The following PDZD2 variants were observed in gnomAD, a reference collection of about 807,000 sequenced individuals.
The protein encoded by PDZD2 is PDZ domain containing 2.
In PDZD2, 90 loss-of-function variants were observed where a neutral mutation model predicts 220.7. The observed-to-expected ratio is 0.41, with a 90% CI of 0.34 to 0.49. The LOEUF (loss-of-function observed/expected upper bound fraction) is 0.49. Ranked by LOEUF, PDZD2 falls within the 20% of genes least tolerant of loss-of-function variation. The pLI, the probability that PDZD2 is intolerant of heterozygous loss-of-function variation, is 0.28. For synonymous variants in PDZD2, 1,375 were observed against 1,450.5 expected, an observed-to-expected ratio of 0.95 and a Z score of 1.18; for missense variants, 3,174 against 3,608.5, an observed-to-expected ratio of 0.88 and a Z score of 3.08.
chr5:31,804,825 T>C (rs891728352), intron 2 of PDZD2, among the ~76,000 whole-genome samples: 1 of 152,256 alleles, frequency 6.6e-6, no homozygotes, highest in East Asian at 1.9e-4. Context: ...AAATGACTTA[T>C]GAAGAACAAA....
intron 1 of PDZD2, among the ~76,000 whole-genome samples, chr5:31,653,021 G>A (rs183129402): frequency 6.6e-6 from 1 of 151,832 alleles, no homozygotes; most frequent in East Asian, 1.9e-4. Flanking sequence ...CAAAAAAAAA[G>A]ACCAAAAAAC....
In PDZD2 at chr5:32,069,649, A is replaced by G. The variant is rs765493350; in HGVS notation, c.2532A>G (p.Leu844=). ...AAGAGGCCAATTCCTCTCCTGGCTT[A>G]GGTACTGTAATCTCACATTTTCATT... ...ESKEANSSPG[L]GTPLKSPSLA... is the part of the protein sequence containing the mutation. Residue 844 remains leucine, a splice_region_variant and synonymous_variant, in exon 15 of 25, where the codon TTA becomes TTG. Coordinates refer to ENST00000438447, the MANE Select transcript of PDZD2 (RefSeq NM_178140.4). 2.1e-6 allele frequency: 3 copies of G among 1,449,552 alleles called. No homozygotes were observed. The East Asian group carries it at 6.8e-5, about 33-fold the overall frequency. 89.8% of individuals were successfully genotyped at this position (1,449,552 alleles called of 1,614,324 possible). A position where few individuals can be genotyped will look rare whatever the true frequency, so the allele number is the denominator to read the frequency against.
At chr5:31,683,959 A>G (rs2150124588) in intron 1 of PDZD2, among the ~76,000 whole-genome samples, 1 of 150,170 alleles carries the variant, frequency 6.7e-6, no homozygotes, top group East Asian at 2.1e-4. Flanking sequence ...TTTGCCACAT[A>G]GACTCACCAG....
chr5:31,838,228 T>G (rs1306867772), intron 2 of PDZD2, among the ~76,000 whole-genome samples: 1 of 152,112 alleles, frequency 6.6e-6, no homozygotes, highest in African/African-American at 2.4e-5. Context: ...CAGCTAATTT[T>G]TGTATTTTTA....
chr5:31,807,704 G>A (rs999258647), intron 2 of PDZD2, among the ~76,000 whole-genome samples: 3 of 152,164 alleles, frequency 2.0e-5, no homozygotes, highest in Admixed American at 6.5e-5. Context: ...GCAAGAACCG[G>A]GTCCCGGAGC....
intron 2 of PDZD2, among the ~76,000 whole-genome samples, chr5:31,869,985 C>T (rs547250894): frequency 1.5e-4 from 23 of 152,244 alleles, no homozygotes; most frequent in African/African-American, 5.3e-4. Context: ...CACAAGTGTG[C>T]AAATTATTTT....
chr5:31,710,462 G>C (rs72755427), intron 1 of PDZD2, among the ~76,000 whole-genome samples: 3,524 of 152,244 alleles, frequency 0.023, 61 homozygotes, highest in Non-Finnish European at 0.033. Context: ...CGGCTCTGCA[G>C]CTTACTGGTC....
intron 23 of PDZD2, 69 bp from the exon 24 acceptor site, chr5:32,101,035 TG>T: frequency 6.2e-7 from 1 of 1,603,214 alleles, no homozygotes; most frequent in Non-Finnish European, 8.5e-7. Context: ...CGATGCATCC[TG>T]GGGGACTTGG....
intron 1 of PDZD2, among the ~76,000 whole-genome samples, chr5:31,769,240 G>A (rs1325722216): frequency 6.6e-6 from 1 of 152,154 alleles, no homozygotes; most frequent in Non-Finnish European, 1.5e-5. Flanking sequence ...GAACAAACCT[G>A]GATCGAAGCA....
At chr5:31,802,663 G>A (rs987252299) in intron 2 of PDZD2, among the ~76,000 whole-genome samples, 2 of 152,202 alleles carry the variant, frequency 1.3e-5, no homozygotes, top group African/African-American at 4.8e-5. Context: ...GCTCACGCCT[G>A]TAATCCCAGC....
intron 1 of PDZD2, among the ~76,000 whole-genome samples, chr5:31,691,821 A>G (rs954044155): frequency 3.0e-4 from 46 of 152,228 alleles, no homozygotes; most frequent in Admixed American, 1.5e-3. Context: ...AGCTAGACAC[A>G]GGGTGCTGAT....
chr5:32,014,275 G>C (rs1003140461), intron 6 of PDZD2, among the ~76,000 whole-genome samples: 3 of 152,120 alleles, frequency 2.0e-5, no homozygotes, highest in African/African-American at 2.4e-5. Flanking sequence ...CACTTAAGCT[G>C]AGCAAATGCA....
chr5:31,789,910 C>T (rs1274621846), intron 1 of PDZD2, among the ~76,000 whole-genome samples: 1 of 152,024 alleles, frequency 6.6e-6, no homozygotes, highest in Non-Finnish European at 1.5e-5. Context: ...AAGAGCGAAA[C>T]TCCTTCTCCA....
intron 1 of PDZD2, among the ~76,000 whole-genome samples, chr5:31,750,775 G>C (rs2150176745): frequency 6.6e-6 from 1 of 152,338 alleles, no homozygotes; most frequent in Non-Finnish European, 1.5e-5. Flanking sequence ...GGGCTGCCGG[G>C]CACTTGGCAG....
Position 32,088,731 on chromosome 5 carries a change from T to C in PDZD2, c.5283T>C (p.Ser1761=), listed in dbSNP as rs761072620. 6.2e-7 allele frequency: 1 copy of C among 1,614,140 alleles called. No individual in the cohort carries two copies. Among genetic ancestry groups the C allele is most frequent in the Non-Finnish European group, 8.5e-7 (1 of 1,180,010 alleles). Residue 1761 remains serine, a synonymous_variant, in exon 20 of 25, where the codon AGT becomes AGC. Transcript: ENST00000438447. The surrounding 1 kb of genome is among the most constrained non-coding windows in gnomAD (Gnocchi z 4.6). ...INAAASLSSF[S]VDVPKNGESV... ...CAGCTGCCAGTCTGTCCTCCTTCAG[T>C]GTGGATGTCCCTAAGAATGGAGAAT...
At chr5:31,691,255 C>A (rs1056387417) in intron 1 of PDZD2, among the ~76,000 whole-genome samples, 3 of 149,934 alleles carry the variant, frequency 2.0e-5, no homozygotes, top group Non-Finnish European at 3.0e-5. Flanking sequence ...TGGAGTTGTT[C>A]GTTCCTCCCG....
At chr5:31,923,316 C>T (rs760635469) in intron 2 of PDZD2, 21 of 716,888 alleles carry the variant, frequency 2.9e-5, no homozygotes, top group Non-Finnish European at 4.8e-5. Context: ...TTCGGATTCC[C>T]GATGCGGTGG....
At chr5:31,651,979 C>T (rs539442151) in intron 1 of PDZD2, among the ~76,000 whole-genome samples, 2 of 141,438 alleles carry the variant, frequency 1.4e-5, no homozygotes, top group Non-Finnish European at 3.0e-5. Flanking sequence ...ACCACCATGC[C>T]CGGCTAATTT....
chr5:31,816,289 A>G (rs1157429592), intron 2 of PDZD2, among the ~76,000 whole-genome samples: 1 of 146,198 alleles, frequency 6.8e-6, no homozygotes, highest in African/African-American at 2.5e-5. Flanking sequence ...CTCCATCTCA[A>G]AAAAAAAAAA....
Sources: allele counts gnomAD v4.1 joint callset (sites outside exome capture counted in the v4.1 genomes callset), GRCh38; gene constraint gnomAD v4.1.1; non-coding constraint Gnocchi (gnomAD v3.1); transcripts MANE v1.5; gene names NCBI Gene and HGNC (gene_info 2026-07-23, HGNC 2026-07-21).